Variants in CFAP210 observed in about 807,000 individuals in gnomAD.
The protein encoded by CFAP210 is cilia and flagella associated protein 210, also known as cilia- and flagella- associated protein 210.
the CFAP210 span, among the ~76,000 whole-genome samples, chr2:169,678,341 C>CAAAAA: frequency 5.7e-4 from 50 of 88,042 alleles, no homozygotes; most frequent in South Asian, 8.0e-4. Context: ...AACTCTGTTG[C>CAAAAA]AAAAAAAAAA....
the CFAP210 span, among the ~76,000 whole-genome samples, chr2:169,690,508 CA>C: frequency 6.6e-6 from 1 of 151,874 alleles, no homozygotes; most frequent in Non-Finnish European, 1.5e-5. Flanking sequence ...ACTAAAAGTA[CA>C]AAAATTAACC....
At chr2:169,682,501 C>A in the CFAP210 span, among the ~76,000 whole-genome samples, 1 of 152,108 alleles carries the variant, frequency 6.6e-6, no homozygotes, top group African/African-American at 2.4e-5. Flanking sequence ...CACACACACA[C>A]ACAAACTGAT....
At chr2:169,690,765 T>C in the CFAP210 span, among the ~76,000 whole-genome samples, 1 of 152,218 alleles carries the variant, frequency 6.6e-6, no homozygotes, top group African/African-American at 2.4e-5. Context: ...AGAAATTTGT[T>C]GTTAATCTTA....
the CFAP210 span, among the ~76,000 whole-genome samples, chr2:169,667,655 T>C: frequency 0.41 from 61,925 of 151,920 alleles, 12,906 homozygotes; most frequent in Non-Finnish European, 0.44. Flanking sequence ...ATTAATCTCT[T>C]GTATATCTCC....
At chr2:169,670,945 C>T in the CFAP210 span, among the ~76,000 whole-genome samples, 1 of 152,140 alleles carries the variant, frequency 6.6e-6, no homozygotes, top group Admixed American at 6.5e-5. Flanking sequence ...TTTAAATCAC[C>T]GCAAGGTAGC....
At chr2:169,645,458 T>C in the CFAP210 span, 1 of 169,622 alleles carries the variant, frequency 5.9e-6, no homozygotes, top group African/African-American at 2.4e-5. Flanking sequence ...AAATACCCAG[T>C]ATAGGCAAAG....
the CFAP210 span, among the ~76,000 whole-genome samples, chr2:169,652,310 A>AAAAAG: frequency 3.3e-5 from 5 of 152,242 alleles, no homozygotes; most frequent in East Asian, 7.7e-4. Context: ...CAAATGAGAA[A>AAAAAG]AAAAGAAAGC....
chr2:169,677,019 T>A, the CFAP210 span, among the ~76,000 whole-genome samples: 17 of 152,232 alleles, frequency 1.1e-4, no homozygotes, highest in Admixed American at 1.1e-3. Flanking sequence ...CATTCATGCA[T>A]AAGGAGCTAA....
At chr2:169,646,767 A>G in the CFAP210 span, among the ~76,000 whole-genome samples, 1 of 152,214 alleles carries the variant, frequency 6.6e-6, no homozygotes, top group Non-Finnish European at 1.5e-5. Flanking sequence ...CAATTTACCA[A>G]TATTTTATAC....
chr2:169,652,956 C>T, the CFAP210 span, among the ~76,000 whole-genome samples: 16 of 123,926 alleles, frequency 1.3e-4, no homozygotes, highest in East Asian at 7.4e-4. Flanking sequence ...GCCGAGATCG[C>T]GCCACTGCAC....
the CFAP210 span, chr2:169,662,308 T>C: frequency 7.5e-6 from 12 of 1,601,994 alleles, no homozygotes; most frequent in Non-Finnish European, 1.0e-5. Flanking sequence ...TTCATGCATC[T>C]CTTCTCTTTT....
the CFAP210 span, among the ~76,000 whole-genome samples, chr2:169,653,041 T>A: frequency 2.9e-3 from 159 of 54,032 alleles, no homozygotes; most frequent in Non-Finnish European, 3.5e-3. Context: ...TATATATATA[T>A]ATATATATAT....
chr2:169,661,521 C>T, the CFAP210 span, among the ~76,000 whole-genome samples: 862 of 152,254 alleles, frequency 5.7e-3, 8 homozygotes, highest in Admixed American at 8.6e-3. Context: ...GGCACTGGGA[C>T]GAGAAGACCC....
the CFAP210 span, chr2:169,694,161 T>G: frequency 8.5e-7 from 1 of 1,182,878 alleles, no homozygotes; most frequent in South Asian, 1.3e-5. Flanking sequence ...GGAGTCCATT[T>G]CAAAAGGCAA....
At chr2:169,662,101 A>G in the CFAP210 span, among the ~76,000 whole-genome samples, 1 of 152,238 alleles carries the variant, frequency 6.6e-6, no homozygotes, top group Non-Finnish European at 1.5e-5. Flanking sequence ...ACACGAAGAA[A>G]TGATAAATGT....
chr2:169,653,716 G>A, the CFAP210 span, among the ~76,000 whole-genome samples: 4 of 152,014 alleles, frequency 2.6e-5, no homozygotes, highest in African/African-American at 7.3e-5. Flanking sequence ...ATTGGTCTTC[G>A]TGTTATCTTC....
the CFAP210 span, among the ~76,000 whole-genome samples, chr2:169,687,717 G>T: frequency 1.3e-5 from 2 of 152,172 alleles, no homozygotes; most frequent in African/African-American, 4.8e-5. Context: ...AGCTGTCAGT[G>T]GATCCACCAT....
At chr2:169,672,041 G>T in the CFAP210 span, among the ~76,000 whole-genome samples, 14 of 151,992 alleles carry the variant, frequency 9.2e-5, no homozygotes, top group Non-Finnish European at 1.8e-4. Flanking sequence ...CATTTCTATT[G>T]GTTTAAAGAG....
chr2:169,681,272 G>C, the CFAP210 span: 1 of 1,449,414 alleles, frequency 6.9e-7, no homozygotes, highest in African/African-American at 1.4e-5. Flanking sequence ...AGACTTACGG[G>C]AACAGTTTAA....
Sources: gnomAD v4.1 joint callset for allele counts (sites outside exome capture counted in the v4.1 genomes callset) on GRCh38, gnomAD v4.1.1 for gene constraint, MANE v1.5 for transcripts, NCBI Gene and HGNC (gene_info 2026-07-23, HGNC 2026-07-21) for gene names.